Variants in NBPF15 observed in about 807,000 individuals in gnomAD.
NBPF15 encodes the protein NBPF member 15, also known as NBPF family member NBPF15.
In NBPF15, 74 loss-of-function variants were observed where a neutral mutation model predicts 62.2. The observed-to-expected ratio is 1.19, with a 90% CI of 0.99 to 1.44. The LOEUF (loss-of-function observed/expected upper bound fraction) is 1.44, where lower values mean the gene tolerates loss of function less well. Among genes scored for constraint, NBPF15 ranks in the 40% most tolerant of loss-of-function variants. The pLI is 0.00. For synonymous variants in NBPF15, 244 were observed against 209.7 expected (o/e 1.16, Z -1.41); for missense variants, 790 against 550.0 (o/e 1.44, Z -4.36).
intron 20 of NBPF15, among the ~76,000 whole-genome samples, 158 bp downstream of exon 20, chr1:144,424,532 C>T (rs1668201766): frequency 1.3e-5 from 2 of 151,832 alleles, no homozygotes; most frequent in Admixed American, 6.6e-5. Context: ...GTCTGGGCTT[C>T]CAGGTAGAAC....
chr1:144,424,307 G>A (rs1357133530), intron 20 of NBPF15, among the ~76,000 whole-genome samples: 2 of 151,470 alleles, frequency 1.3e-5, no homozygotes, highest in African/African-American at 4.8e-5. Context: ...GCAATATTTA[G>A]CCCTGTCTCA....
chr1:144,450,228 C>T (rs587701056), intron 5 of NBPF15, among the ~76,000 whole-genome samples: 47 of 127,272 alleles, frequency 3.7e-4, no homozygotes, highest in Non-Finnish European at 4.7e-4. Context: ...GTGAGGTTAC[C>T]GCATGAACTG....
intron 6 of NBPF15, among the ~76,000 whole-genome samples, chr1:144,446,263 C>T (rs868934449): frequency 4.7e-5 from 7 of 148,502 alleles, no homozygotes; most frequent in Middle Eastern, 3.2e-3. Context: ...ATACAAAAGA[C>T]CACTTATATT....
At chr1:144,451,508 A>G (rs1417378340) in intron 4 of NBPF15, among the ~76,000 whole-genome samples, 3 of 151,862 alleles carry the variant, frequency 2.0e-5, no homozygotes, top group Non-Finnish European at 4.4e-5. Flanking sequence ...ATTTCAGACT[A>G]TCACATGGGG....
At chr1:144,438,952 C>A (rs1680791894) in intron 8 of NBPF15, among the ~76,000 whole-genome samples, 1 of 151,802 alleles carries the variant, frequency 6.6e-6, no homozygotes, top group African/African-American at 2.4e-5. Flanking sequence ...CACCAAGCTA[C>A]TCTCTGCTTT....
intron 10 of NBPF15, among the ~76,000 whole-genome samples, 171 bp downstream of exon 10, chr1:144,436,724 C>T (rs1678731140): frequency 6.6e-6 from 1 of 152,152 alleles, no homozygotes; most frequent in East Asian, 1.9e-4. Context: ...GACCTCCAAC[C>T]CCATGGGTTT....
At chr1:144,426,996 C>A in intron 17 of NBPF15, 51 bp downstream of exon 17, 1 of 754,288 alleles carries the variant, frequency 1.3e-6, no homozygotes, top group Non-Finnish European at 2.4e-6. Context: ...CTGGACCTGG[C>A]ATCTCCAGGT....
At chr1:144,432,011 A>G (rs1674716168) in intron 13 of NBPF15, among the ~76,000 whole-genome samples, 1 of 151,752 alleles carries the variant, frequency 6.6e-6, no homozygotes, top group Non-Finnish European at 1.5e-5. Flanking sequence ...CACACCCAGT[A>G]ATGGGATGGC....
chr1:144,431,444 A>G (rs1339345935), intron 13 of NBPF15, among the ~76,000 whole-genome samples: 10 of 149,478 alleles, frequency 6.7e-5, no homozygotes, highest in South Asian at 2.1e-4. Context: ...TTCCATATGT[A>G]TAGTTTTCCT....
chr1:144,424,636 TC>T, intron 20 of NBPF15, 53 bp downstream of exon 20: 1 of 644,332 alleles, frequency 1.6e-6, no homozygotes, highest in East Asian at 2.6e-5. Context: ...AGGAATATGA[TC>T]TTTATATGGA....
rs1326504578 is a variant in NBPF15 at position 144,422,661 on chromosome 1, A to C, written c.*352T>G. ...AACACCTTTGGATGAGCTAAACACA[A>C]AGATGACAATGACCTTGAGCAGGTA... is the stretch of plus-strand genomic sequence containing the variant. On this transcript the variant is annotated 3_prime_UTR_variant, in exon 22 of 22. Transcript: ENST00000581897. 4 of 421,742 alleles carry C rather than the reference A, an allele frequency of 9.5e-6. No individual in the cohort carries two copies. The highest frequency in any genetic ancestry group is 1.7e-5 in the Non-Finnish European group (4 of 231,570). The allele number at this position is 421,742 out of a possible 1,614,324, so 26.1% of individuals were successfully genotyped here.
intron 4 of NBPF15, among the ~76,000 whole-genome samples, chr1:144,455,735 A>G (rs1374774410): frequency 8.6e-5 from 13 of 151,860 alleles, no homozygotes; most frequent in Admixed American, 1.3e-4. Flanking sequence ...GCCACGTGAG[A>G]AGGATACAAA....
At chr1:144,445,484 C>A (rs1686841673) in intron 6 of NBPF15, among the ~76,000 whole-genome samples, 1 of 147,138 alleles carries the variant, frequency 6.8e-6, no homozygotes, top group South Asian at 2.2e-4. Flanking sequence ...GATATATATT[C>A]CATTTTTTTT....
chr1:144,425,198 C>G (rs1668885312), intron 19 of NBPF15, among the ~76,000 whole-genome samples: 1 of 131,586 alleles, frequency 7.6e-6, no homozygotes, highest in African/African-American at 3.2e-5. Flanking sequence ...TTAGTGCCCT[C>G]AGGACACACA....
chr1:144,424,132 A>C (rs587708266), intron 20 of NBPF15, among the ~76,000 whole-genome samples, 157 bp from the exon 21 acceptor site: 1 of 152,086 alleles, frequency 6.6e-6, no homozygotes, highest in Non-Finnish European at 1.5e-5. Context: ...GCTGGTCATG[A>C]TATAAATTCC....
At chr1:144,439,022 C>T (rs1317537799) in intron 8 of NBPF15, among the ~76,000 whole-genome samples, 28 of 151,796 alleles carry the variant, frequency 1.8e-4, no homozygotes, top group African/African-American at 5.6e-4. Context: ...CTTGCCCTGT[C>T]GCCCAGGCTG....
In NBPF15 at chr1:144,457,943, C is replaced by T. The variant is rs1319689993; in HGVS notation, c.-700-1138G>A. Among the ~76,000 whole-genome samples the T allele has an allele frequency of 9.2e-5, 14 of 151,750 alleles. No homozygotes were observed. The South Asian group carries it at 2.1e-3, about 23-fold the overall frequency. On this transcript the variant is annotated intron_variant, in intron 3 of 21. Coordinates refer to ENST00000581897, the MANE Select transcript of NBPF15 (RefSeq NM_001385408.1). ...TGTCTACAAAAAATAGAAAATTAGC[C>T]GGGCATAGTGGTGCATGCCTGTAGA...
Position 144,422,862 on chromosome 1 carries a change from C to T in NBPF15, c.*151G>A, listed in dbSNP as rs1206327627. 5 of 1,570,884 alleles carry T rather than the reference C, an allele frequency of 3.2e-6. No homozygotes were observed. The African/African-American group carries it at 5.4e-5, about 17-fold the overall frequency. ...TGTCTTCAGATTGAGCACAGGTTGC[C>T]AATGGCATGGTTTGAGAATAGGAAT... On this transcript the variant is annotated 3_prime_UTR_variant, in exon 22 of 22. Coordinates refer to ENST00000581897, the MANE Select transcript of NBPF15 (RefSeq NM_001385408.1).
At chr1:144,426,800 G>C (rs1670060093) in intron 17 of NBPF15, among the ~76,000 whole-genome samples, 1 of 151,174 alleles carries the variant, frequency 6.6e-6, no homozygotes, top group Non-Finnish European at 1.5e-5. Flanking sequence ...CCATAAACTT[G>C]CTCAAGATTC....
Sources: gnomAD v4.1 joint callset for allele counts (sites outside exome capture counted in the v4.1 genomes callset) on GRCh38, gnomAD v4.1.1 for gene constraint, MANE v1.5 for transcripts, NCBI Gene and HGNC (gene_info 2026-07-23, HGNC 2026-07-21) for gene names.